Variants in FHIT observed in about 807,000 individuals in gnomAD.
FHIT encodes the protein fragile histidine triad diadenosine triphosphatase.
A neutral mutation model predicts 17.9 loss-of-function variants in FHIT; 19 were observed. The observed-to-expected ratio is 1.06, with a 90% CI of 0.74 to 1.56. The LOEUF (loss-of-function observed/expected upper bound fraction) is 1.56, where lower values mean the gene tolerates loss of function less well. FHIT is among the 40% of genes most tolerant of loss of function. The probability of loss-of-function intolerance (pLI) is 0.00; values close to 1 mark genes in which losing one functional copy is unlikely to be tolerated. For missense variants in FHIT, 248 were observed against 189.2 expected (o/e 1.31, Z -1.82); for synonymous variants, 81 against 69.7 (o/e 1.16, Z -0.81).
intron 2 of FHIT, among the ~76,000 whole-genome samples, chr3:61,139,824 A>G (rs1468028261): frequency 6.6e-6 from 1 of 152,160 alleles, no homozygotes; most frequent in Non-Finnish European, 1.5e-5. Flanking sequence ...GAATTTGAAT[A>G]GCAAGAGCGG....
chr3:60,933,899 C>T (rs542400560), intron 3 of FHIT, among the ~76,000 whole-genome samples: 1 of 152,232 alleles, frequency 6.6e-6, no homozygotes, highest in South Asian at 2.1e-4. Flanking sequence ...GCTGCTGAGC[C>T]AGCTCCCACT....
chr3:60,222,486 T>C (rs1182831595), intron 5 of FHIT, among the ~76,000 whole-genome samples: 4 of 152,168 alleles, frequency 2.6e-5, no homozygotes, highest in Admixed American at 6.5e-5. Flanking sequence ...ATTGTGGTTC[T>C]TGCCATTAAA....
intron 5 of FHIT, among the ~76,000 whole-genome samples, chr3:60,319,110 C>G (rs1333925215): frequency 6.6e-6 from 1 of 152,142 alleles, no homozygotes; most frequent in Non-Finnish European, 1.5e-5. Flanking sequence ...GATTCTTAAC[C>G]TGATCACATC....
chr3:59,994,349 T>A (rs944599821), intron 7 of FHIT, among the ~76,000 whole-genome samples: 1 of 152,044 alleles, frequency 6.6e-6, no homozygotes, highest in Non-Finnish European at 1.5e-5. Flanking sequence ...CTGTCAGCAA[T>A]ACTCAATCCA....
intron 8 of FHIT, among the ~76,000 whole-genome samples, chr3:59,912,178 A>C (rs1170973902): frequency 6.6e-6 from 1 of 152,196 alleles, no homozygotes; most frequent in African/African-American, 2.4e-5. Flanking sequence ...TTATCATATC[A>C]CAGTCTCCCT....
At chr3:60,948,440 T>C (rs1181135017) in intron 3 of FHIT, among the ~76,000 whole-genome samples, 2 of 152,222 alleles carry the variant, frequency 1.3e-5, no homozygotes, top group African/African-American at 2.4e-5. Context: ...TCCCCTTTAG[T>C]TTTCCCTAAT....
intron 4 of FHIT, chr3:60,690,674 G>C (rs2040965970): frequency 2.1e-6 from 1 of 484,628 alleles, no homozygotes; most frequent in Non-Finnish European, 4.1e-6. Flanking sequence ...CAGCCCAAGG[G>C]CTCGCTATTG....
At chr3:60,319,451 A>G (rs1025303399) in intron 5 of FHIT, among the ~76,000 whole-genome samples, 9 of 137,554 alleles carry the variant, frequency 6.5e-5, no homozygotes, top group East Asian at 6.0e-4. Flanking sequence ...TTTTTAAGGG[A>G]AAAAAAAAAA....
chr3:61,001,999 T>C (rs753649945), intron 3 of FHIT, among the ~76,000 whole-genome samples: 21 of 152,196 alleles, frequency 1.4e-4, no homozygotes, highest in Admixed American at 1.0e-3. Flanking sequence ...ATTTCAAATT[T>C]TAAAATTTAC....
At chr3:60,131,624 A>G (rs1229471970) in intron 5 of FHIT, among the ~76,000 whole-genome samples, 1 of 152,064 alleles carries the variant, frequency 6.6e-6, no homozygotes, top group African/African-American at 2.4e-5. Context: ...GCACCCACAG[A>G]TATGTCTCCT....
chr3:60,839,671 G>A (rs1553744553), intron 3 of FHIT, among the ~76,000 whole-genome samples: 2 of 152,082 alleles, frequency 1.3e-5, no homozygotes, highest in East Asian at 3.9e-4. Flanking sequence ...AGACCTCTAG[G>A]GACTGCAGCT....
At position 60,867,831 on chromosome 3, in the gene FHIT, T is replaced by C. The variant is rs114382292; in HGVS notation, c.-110-45820A>G. ...AAGCAGAGCCCCCTGACAACTTTTT[T>C]TGGGCATGTACCATTAGCAAGAACT... is the stretch of plus-strand genomic sequence containing the variant. On this transcript the variant is annotated intron_variant, in intron 3 of 9. Coordinates refer to ENST00000492590, the MANE Select transcript of FHIT (RefSeq NM_002012.4). Among the ~76,000 whole-genome samples, 879 of 152,296 alleles carry C rather than the reference T, an allele frequency of 5.8e-3. 12 individuals are homozygous for C. Among genetic ancestry groups the C allele is most frequent in the African/African-American group, 0.02 (826 of 41,572 alleles).
intron 5 of FHIT, among the ~76,000 whole-genome samples, chr3:60,460,406 T>G (rs138143972): frequency 6.6e-6 from 1 of 152,084 alleles, no homozygotes; most frequent in Non-Finnish European, 1.5e-5. Context: ...AATTTGCTTT[T>G]ATATTGGTTA....
intron 3 of FHIT, among the ~76,000 whole-genome samples, chr3:60,963,198 T>G (rs1228950446): frequency 6.6e-6 from 1 of 152,208 alleles, no homozygotes; most frequent in East Asian, 1.9e-4. Flanking sequence ...TTCTTCTAGA[T>G]TTTCTAGTTT....
At chr3:60,871,381 T>C (rs9845774) in intron 3 of FHIT, among the ~76,000 whole-genome samples, 3,126 of 152,186 alleles carry the variant, frequency 0.021, 93 homozygotes, top group African/African-American at 0.071. Flanking sequence ...TAATCAGGCT[T>C]TCTACTATCA....
chr3:60,986,706 T>A (rs1710732512), intron 3 of FHIT, among the ~76,000 whole-genome samples: 2 of 152,158 alleles, frequency 1.3e-5, no homozygotes, highest in African/African-American at 2.4e-5. Flanking sequence ...GGGCTCTGGA[T>A]GTCAGAGATA....
chr3:60,997,707 G>T (rs2030776127), intron 3 of FHIT, among the ~76,000 whole-genome samples: 1 of 152,132 alleles, frequency 6.6e-6, no homozygotes, highest in South Asian at 2.1e-4. Flanking sequence ...TTGGTCTGCT[G>T]CTTATTAAAT....
chr3:61,249,678 A>G (rs968181374), intron 1 of FHIT, among the ~76,000 whole-genome samples: 50 of 152,292 alleles, frequency 3.3e-4, no homozygotes, highest in Middle Eastern at 3.4e-3. Context: ...ACTCTCATAT[A>G]GCTTTTAAGA....
At chr3:59,887,666 C>T (rs1347404339) in intron 8 of FHIT, among the ~76,000 whole-genome samples, 4 of 152,202 alleles carry the variant, frequency 2.6e-5, no homozygotes, top group Non-Finnish European at 5.9e-5. Flanking sequence ...GCCCAGAGCT[C>T]AGCCAGCATC....
Sources: gnomAD v4.1 joint callset for allele counts (sites outside exome capture counted in the v4.1 genomes callset) on GRCh38, gnomAD v4.1.1 for gene constraint, MANE v1.5 for transcripts, NCBI Gene and HGNC (gene_info 2026-07-23, HGNC 2026-07-21) for gene names.